Variants in FBXO34 observed in about 807,000 individuals in gnomAD.
FBXO34 encodes F-box protein 34, also known as F-box only protein 34.
FBXO34 carries 12 observed loss-of-function variants against 24.5 expected under a neutral mutation model. The observed-to-expected ratio is 0.49, with a 90% confidence interval of 0.31 to 0.79. FBXO34 has a LOEUF of 0.79. FBXO34 is among the 30% of genes least tolerant of loss of function. The pLI, the probability that FBXO34 is intolerant of heterozygous loss-of-function variation, is 0.04. For missense variants in FBXO34, 823 were observed against 857.7 expected (o/e 0.96, Z 0.51); for synonymous variants, 320 against 311.9 (o/e 1.03, Z -0.27).
At chr14:55,329,399 GA>G (rs1883459410) in intron 1 of FBXO34, among the ~76,000 whole-genome samples, 1 of 152,114 alleles carries the variant, frequency 6.6e-6, no homozygotes, top group Non-Finnish European at 1.5e-5. Flanking sequence ...AACAGTCAAG[GA>G]AACTAGTTCA....
At chr14:55,372,109 T>G (rs2140118731), downstream of FBXO34, among the ~76,000 whole-genome samples, 1 of 152,248 alleles carries the variant, frequency 6.6e-6, no homozygotes, top group East Asian at 1.9e-4. Flanking sequence ...ATCCTCTGGT[T>G]ACTAAACCCT....
chr14:55,348,700 T>G (rs1884241139), intron 1 of FBXO34, among the ~76,000 whole-genome samples: 1 of 152,196 alleles, frequency 6.6e-6, no homozygotes, highest in African/African-American at 2.4e-5. Flanking sequence ...AAAAAACACT[T>G]TGTATGCTTT....
the FBXO34 span, chr14:55,436,646 A>G: frequency 6.2e-7 from 1 of 1,614,138 alleles, no homozygotes; most frequent in Non-Finnish European, 8.5e-7. Flanking sequence ...AAGGAGTCGG[A>G]GTTTGGTTTC....
At chr14:55,320,743 C>T (rs1349714376) in intron 1 of FBXO34, among the ~76,000 whole-genome samples, 1 of 152,130 alleles carries the variant, frequency 6.6e-6, no homozygotes, top group Non-Finnish European at 1.5e-5. Flanking sequence ...TGTGACAGAG[C>T]AAGACTCCGT....
At chr14:55,356,053 C>A (rs1566571438), downstream of FBXO34, among the ~76,000 whole-genome samples, 3 of 152,166 alleles carry the variant, frequency 2.0e-5, no homozygotes, top group Non-Finnish European at 2.9e-5. Context: ...AGTAGTAGCT[C>A]CCCTAGCAGC....
At chr14:55,343,412 G>A (rs778217002) in intron 1 of FBXO34, among the ~76,000 whole-genome samples, 7 of 151,864 alleles carry the variant, frequency 4.6e-5, no homozygotes, top group Admixed American at 2.6e-4. Context: ...CACCACACCC[G>A]GCTAATTTTT....
At chr14:55,349,850 G>A (rs1225350759) in intron 1 of FBXO34, among the ~76,000 whole-genome samples, 2 of 151,778 alleles carry the variant, frequency 1.3e-5, no homozygotes, top group African/African-American at 4.8e-5. Context: ...CACGTGATAC[G>A]CCTGCCTTGT....
intron 1 of FBXO34, among the ~76,000 whole-genome samples, chr14:55,349,223 G>A (rs779513650): frequency 1.3e-5 from 2 of 151,888 alleles, no homozygotes; most frequent in Non-Finnish European, 2.9e-5. Flanking sequence ...AGCTGAGACC[G>A]AGAGAGGAAG....
At chr14:55,330,227 GT>G (rs998865498) in intron 1 of FBXO34, among the ~76,000 whole-genome samples, 19 of 151,856 alleles carry the variant, frequency 1.3e-4, no homozygotes, top group Non-Finnish European at 2.4e-4. Flanking sequence ...TCCCTTTTAA[GT>G]TTTTTTTGTC....
the FBXO34 span, among the ~76,000 whole-genome samples, chr14:55,389,205 C>T: frequency 6.6e-6 from 1 of 152,182 alleles, no homozygotes; most frequent in Non-Finnish European, 1.5e-5. Flanking sequence ...TTTTAACATG[C>T]TCATCAGAGA....
the FBXO34 span, among the ~76,000 whole-genome samples, chr14:55,427,193 C>A: frequency 9.2e-5 from 14 of 152,062 alleles, no homozygotes; most frequent in Admixed American, 2.6e-4. Context: ...CCTAAAGAGG[C>A]AACATGTCTT....
chr14:55,361,886 T>C (rs1884599512), exon 4 of FBXO34: 1 of 152,216 alleles, frequency 6.6e-6, no homozygotes. Flanking sequence ...GTTTCATCTA[T>C]CTAGACCACT....
chr14:55,306,853 A>AAAACAAAACC (rs1555336753), intron 1 of FBXO34, among the ~76,000 whole-genome samples: 4 of 152,026 alleles, frequency 2.6e-5, no homozygotes, highest in African/African-American at 9.7e-5. Flanking sequence ...AAAACAAAAC[A>AAAACAAAACC]AAAAACAGGC....
At chr14:55,427,667 T>C in the FBXO34 span, among the ~76,000 whole-genome samples, 1 of 151,920 alleles carries the variant, frequency 6.6e-6, no homozygotes, top group Non-Finnish European at 1.5e-5. Flanking sequence ...TCACCCTCCA[T>C]CCCTGCTCTC....
the FBXO34 span, among the ~76,000 whole-genome samples, chr14:55,392,468 C>T: frequency 6.6e-6 from 1 of 151,834 alleles, no homozygotes; most frequent in Non-Finnish European, 1.5e-5. Flanking sequence ...GGCAACATGG[C>T]GAAACCCCAT....
At chr14:55,277,351 G>A (rs1320862044) in intron 1 of FBXO34, among the ~76,000 whole-genome samples, 1 of 152,086 alleles carries the variant, frequency 6.6e-6, no homozygotes, top group Admixed American at 6.6e-5. Context: ...AGACAGTCTC[G>A]CTTTGTTGCC....
intron 1 of FBXO34, among the ~76,000 whole-genome samples, chr14:55,327,908 G>GTT (rs386381425): frequency 0.032 from 1,545 of 48,736 alleles, 374 homozygotes; most frequent in East Asian, 0.042. Context: ...GTTGTTGTTG[G>GTT]TTTTTTTTTT....
chr14:55,364,627 C>T (rs1035763396), downstream of FBXO34, among the ~76,000 whole-genome samples: 8 of 151,718 alleles, frequency 5.3e-5, no homozygotes, highest in Non-Finnish European at 5.9e-5. Flanking sequence ...TGGGGTTTTG[C>T]CATGTTGGCC....
the FBXO34 span, among the ~76,000 whole-genome samples, chr14:55,389,993 G>A: frequency 6.6e-6 from 1 of 151,952 alleles, no homozygotes; most frequent in Non-Finnish European, 1.5e-5. Flanking sequence ...TTCTGGCATG[G>A]GCCAATAATT....
Sources: gnomAD v4.1 joint callset for allele counts (sites outside exome capture counted in the v4.1 genomes callset) on GRCh38, gnomAD v4.1.1 for gene constraint, MANE v1.5 for transcripts, NCBI Gene and HGNC (gene_info 2026-07-23, HGNC 2026-07-21) for gene names.